Variants in OR56A3 observed in about 807,000 individuals in gnomAD.
OR56A3 encodes olfactory receptor 56A3.
A neutral mutation model predicts 17.5 loss-of-function variants in OR56A3; 23 were observed. The observed-to-expected ratio is 1.32, with a 90% CI of 0.95 to 1.87. The LOEUF is 1.87. OR56A3 is among the 40% of genes most tolerant of loss of function. OR56A3 has a pLI of 0.00. For missense variants in OR56A3, 366 were observed against 380.1 expected, an observed-to-expected ratio of 0.96 and a Z score of 0.31; for synonymous variants, 175 against 150.6, an observed-to-expected ratio of 1.16 and a Z score of -1.19.
the OR56A3 span, chr11:6,019,312 A>G: frequency 1.3e-5 from 2 of 152,170 alleles, no homozygotes; most frequent in African/African-American, 4.8e-5. Flanking sequence ...CATCAAAAAG[A>G]TAATACATCA....
the OR56A3 span, chr11:6,001,416 A>G: frequency 6.6e-6 from 1 of 152,332 alleles, no homozygotes; most frequent in South Asian, 2.1e-4. Context: ...ATCTAAGTAG[A>G]GAGAAAGAAT....
downstream of OR56A3, among the ~76,000 whole-genome samples, chr11:5,956,295 T>TA (rs1847931684): frequency 6.6e-6 from 1 of 152,216 alleles, no homozygotes; most frequent in East Asian, 1.9e-4. Context: ...ATTTTCACAT[T>TA]AAAAATCAAT....
chr11:5,958,788 C>G, the OR56A3 span, among the ~76,000 whole-genome samples: 8 of 152,112 alleles, frequency 5.3e-5, no homozygotes, highest in Admixed American at 5.2e-4. Flanking sequence ...CTAATGCCCT[C>G]CTCCTCCCTG....
At chr11:5,965,007 G>A in the OR56A3 span, among the ~76,000 whole-genome samples, 1 of 152,012 alleles carries the variant, frequency 6.6e-6, no homozygotes, top group East Asian at 1.9e-4. Context: ...GGTTTTCTTA[G>A]CTCTTGTAAA....
At chr11:6,020,834 T>C in the OR56A3 span, 1 of 152,040 alleles carries the variant, frequency 6.6e-6, no homozygotes, top group Non-Finnish European at 1.5e-5. Flanking sequence ...CTAGGACTTC[T>C]AATACTATGT....
At chr11:5,983,859 A>ATAC in the OR56A3 span, among the ~76,000 whole-genome samples, 1 of 149,102 alleles carries the variant, frequency 6.7e-6, no homozygotes, top group Non-Finnish European at 1.5e-5. Flanking sequence ...ATATGTAAGG[A>ATAC]TGGTAGTAAA....
the OR56A3 span, among the ~76,000 whole-genome samples, chr11:5,969,914 T>C: frequency 7.9e-6 from 1 of 126,686 alleles, no homozygotes; most frequent in Non-Finnish European, 1.6e-5. Context: ...AATATAATGA[T>C]AGTGATATAA....
chr11:5,958,463 T>G, the OR56A3 span, among the ~76,000 whole-genome samples: 1 of 152,182 alleles, frequency 6.6e-6, no homozygotes, highest in South Asian at 2.1e-4. Flanking sequence ...CTGTTTTTTA[T>G]TGTTCACTTA....
chr11:5,946,709 T>C (rs1256490876), intron 2 of OR56A3, among the ~76,000 whole-genome samples: 1 of 152,222 alleles, frequency 6.6e-6, no homozygotes, highest in Non-Finnish European at 1.5e-5. Context: ...GGCAATTATT[T>C]GGTGGAACCT....
chr11:6,014,989 C>CAAAAAAAAAAAAAAAAAAAAAA, the OR56A3 span, among the ~76,000 whole-genome samples: 7 of 35,200 alleles, frequency 2.0e-4, 2 homozygotes, highest in East Asian at 2.8e-3. Context: ...TATTCATGGG[C>CAAAAAAAAAAAAAAAAAAAAAA]AAAAAAAAAA....
chr11:5,968,480 G>A, the OR56A3 span: 7 of 1,553,266 alleles, frequency 4.5e-6, no homozygotes, highest in Non-Finnish European at 6.1e-6. Context: ...TGGAGTTGTT[G>A]CTGGGTAATG....
the OR56A3 span, among the ~76,000 whole-genome samples, chr11:5,974,583 A>G: frequency 1.3e-5 from 2 of 152,252 alleles, no homozygotes; most frequent in Non-Finnish European, 2.9e-5. Flanking sequence ...TTTCCAAGGC[A>G]AAATGGAACA....
At chr11:5,984,840 C>G in the OR56A3 span, among the ~76,000 whole-genome samples, 4 of 152,204 alleles carry the variant, frequency 2.6e-5, no homozygotes, top group African/African-American at 9.7e-5. Flanking sequence ...TAAATCTTAT[C>G]TCCCGAGCAT....
the OR56A3 span, among the ~76,000 whole-genome samples, chr11:5,964,704 C>T: frequency 6.6e-6 from 1 of 152,232 alleles, no homozygotes; most frequent in Non-Finnish European, 1.5e-5. Flanking sequence ...CCATCTCACA[C>T]ATGGCTACGG....
chr11:5,963,271 GTTGT>G, the OR56A3 span, among the ~76,000 whole-genome samples: 1 of 152,044 alleles, frequency 6.6e-6, no homozygotes, highest in Non-Finnish European at 1.5e-5. Context: ...GCAACATTAG[GTTGT>G]TTATTTGAGA....
chr11:5,980,130 AC>A, the OR56A3 span, among the ~76,000 whole-genome samples: 8 of 151,956 alleles, frequency 5.3e-5, no homozygotes, highest in African/African-American at 1.9e-4. Flanking sequence ...TAGATTATGT[AC>A]CCTGTGCAGA....
the OR56A3 span, among the ~76,000 whole-genome samples, chr11:5,970,050 T>C: frequency 5.3e-5 from 8 of 152,322 alleles, no homozygotes; most frequent in East Asian, 3.9e-4. Flanking sequence ...ATTTGATATA[T>C]GTTGTGGAGG....
chr11:6,020,681 G>A, the OR56A3 span: 17 of 152,192 alleles, frequency 1.1e-4, no homozygotes, highest in East Asian at 9.6e-4. Flanking sequence ...CTTTACTAAC[G>A]TTTATCAGCT....
chr11:5,997,647 G>A, the OR56A3 span, among the ~76,000 whole-genome samples: 2 of 152,066 alleles, frequency 1.3e-5, no homozygotes, highest in East Asian at 3.9e-4. Flanking sequence ...GGAGACTTGA[G>A]GCATTACAAA....
Sources: gnomAD v4.1 joint callset for allele counts (sites outside exome capture counted in the v4.1 genomes callset) on GRCh38, gnomAD v4.1.1 for gene constraint, MANE v1.5 for transcripts, NCBI Gene and HGNC (gene_info 2026-07-23, HGNC 2026-07-21) for gene names.